Variants in SMYD3 observed in about 807,000 individuals in gnomAD.
The protein encoded by SMYD3 is SET and MYND domain containing 3.
A neutral mutation model predicts 57.7 loss-of-function variants in SMYD3; 36 were observed. The observed-to-expected ratio is 0.62, with a 90% CI of 0.48 to 0.82. The LOEUF (loss-of-function observed/expected upper bound fraction) is 0.82, where lower values mean the gene tolerates loss of function less well. Among genes scored for constraint, SMYD3 ranks in the 40% least tolerant of loss-of-function variants. The pLI, the probability that SMYD3 is intolerant of heterozygous loss-of-function variation, is 0.00. For missense variants in SMYD3, 515 were observed against 538.8 expected, an observed-to-expected ratio of 0.96 and a Z score of 0.44; for synonymous variants, 211 against 195.0, an observed-to-expected ratio of 1.08 and a Z score of -0.68.
At chr1:245,933,432 A>G (rs1465892226) in intron 5 of SMYD3, among the ~76,000 whole-genome samples, 1 of 152,214 alleles carries the variant, frequency 6.6e-6, no homozygotes, top group Non-Finnish European at 1.5e-5. Context: ...ATGCAAAGTT[A>G]TATTTACTTT....
At chr1:246,258,601 G>A (rs2148515885) in intron 5 of SMYD3, among the ~76,000 whole-genome samples, 1 of 152,256 alleles carries the variant, frequency 6.6e-6, no homozygotes, top group South Asian at 2.1e-4. Context: ...TGGCCTGATA[G>A]GGCTCCTGTT....
At chr1:246,463,962 C>T (rs762965141) in intron 1 of SMYD3, among the ~76,000 whole-genome samples, 4 of 151,336 alleles carry the variant, frequency 2.6e-5, no homozygotes, top group Admixed American at 1.3e-4. Flanking sequence ...GGCATATGGA[C>T]GGAAAAGATG....
rs369549896 is a variant in SMYD3 at position 246,450,462 on chromosome 1, C to T, written c.164+56592G>A. Among the ~76,000 whole-genome samples the T allele has an allele frequency of 2.6e-5, 4 of 152,262 alleles. No individual in the cohort carries two copies. The South Asian group carries it at 6.2e-4, about 24-fold the overall frequency. On this transcript the variant is annotated intron_variant, in intron 1 of 11. Coordinates refer to ENST00000490107, the MANE Select transcript of SMYD3 (RefSeq NM_001167740.2). ...CTTCTTTTGCTTACTCAGCTGCACA[C>T]GGCCCTGAAAAATGCCCACCCCAAG...
intron 11 of SMYD3, 47 bp from the exon 12 acceptor site, chr1:245,749,711 C>T: frequency 6.7e-7 from 1 of 1,481,538 alleles, no homozygotes; most frequent in Non-Finnish European, 9.4e-7. Flanking sequence ...AATAGGTGAG[C>T]TCAGGCCATT....
chr1:245,893,038 A>G (rs1445976307), intron 8 of SMYD3, among the ~76,000 whole-genome samples: 2 of 152,234 alleles, frequency 1.3e-5, no homozygotes, highest in African/African-American at 4.8e-5. Context: ...GAAAACACCC[A>G]ATTTTTAAAA....
At chr1:245,949,457 A>C (rs2057542565) in intron 5 of SMYD3, among the ~76,000 whole-genome samples, 1 of 152,144 alleles carries the variant, frequency 6.6e-6, no homozygotes, top group Non-Finnish European at 1.5e-5. Flanking sequence ...CCAAAAAAGA[A>C]AAAGAAAAAA....
chr1:246,401,257 G>A (rs1356121666), intron 1 of SMYD3, among the ~76,000 whole-genome samples: 1 of 152,136 alleles, frequency 6.6e-6, no homozygotes, highest in African/African-American at 2.4e-5. Context: ...AGCACTTTGG[G>A]AGGCCAAGGC....
intron 1 of SMYD3, among the ~76,000 whole-genome samples, chr1:246,363,656 T>G (rs368156607): frequency 3.3e-4 from 50 of 152,310 alleles, no homozygotes; most frequent in African/African-American, 1.2e-3. Context: ...ATGTGCTGTG[T>G]CCACTCAGGG....
At chr1:245,916,129 A>G (rs953644614) in intron 7 of SMYD3, among the ~76,000 whole-genome samples, 4 of 152,144 alleles carry the variant, frequency 2.6e-5, no homozygotes, top group Admixed American at 2.0e-4. Context: ...GAAATGAGAA[A>G]ACAGTTCTCT....
intron 5 of SMYD3, among the ~76,000 whole-genome samples, chr1:245,964,513 A>G (rs1572802952): frequency 1.3e-5 from 2 of 152,352 alleles, no homozygotes; most frequent in Non-Finnish European, 2.9e-5. Context: ...AATCATAGTC[A>G]GATACAGCAG....
intron 10 of SMYD3, among the ~76,000 whole-genome samples, chr1:245,826,580 G>T (rs1405027154): frequency 1.3e-5 from 2 of 152,156 alleles, no homozygotes; most frequent in Non-Finnish European, 2.9e-5. Context: ...TTTCTTAAAT[G>T]ACCCATTTCA....
At chr1:246,448,304 G>A (rs780544506) in intron 1 of SMYD3, among the ~76,000 whole-genome samples, 2 of 152,182 alleles carry the variant, frequency 1.3e-5, no homozygotes, top group African/African-American at 2.4e-5. Flanking sequence ...GAGAACCAAC[G>A]CACAGAGACT....
intron 5 of SMYD3, among the ~76,000 whole-genome samples, chr1:245,943,607 A>T (rs1401176985): frequency 1.3e-5 from 2 of 152,212 alleles, no homozygotes; most frequent in Non-Finnish European, 1.5e-5. Context: ...ATTGAAAAAG[A>T]GGGACTCCTC....
At position 246,120,289 on chromosome 1, in the gene SMYD3, A is replaced by G. The variant is rs560967549; in HGVS notation, c.532-190352T>C. Among the ~76,000 whole-genome samples the G allele has an allele frequency of 2.0e-5, 3 of 152,252 alleles. No homozygotes were observed. In the East Asian group the frequency reaches 5.8e-4, roughly 29 times the overall value. ...TGCTTCTGCTGTTTGTTCTAATGCC[A>G]TATTTTGGGGTAGCATGTCCGGAAC... On this transcript the variant is annotated intron_variant, in intron 5 of 11. Coordinates refer to ENST00000490107, the MANE Select transcript of SMYD3 (RefSeq NM_001167740.2).
intron 8 of SMYD3, among the ~76,000 whole-genome samples, chr1:245,890,685 T>C (rs1252157419): frequency 6.6e-6 from 1 of 152,114 alleles, no homozygotes; most frequent in East Asian, 1.9e-4. Flanking sequence ...AAAACTAAAA[T>C]AGAACTACCA....
chr1:246,046,411 T>C (rs1358342606), intron 5 of SMYD3, among the ~76,000 whole-genome samples: 1 of 151,530 alleles, frequency 6.6e-6, no homozygotes, highest in East Asian at 1.9e-4. Flanking sequence ...CACTCATAGG[T>C]GGGAATTGAA....
intron 10 of SMYD3, among the ~76,000 whole-genome samples, chr1:245,780,942 T>A (rs1032618902): frequency 6.6e-6 from 1 of 152,180 alleles, no homozygotes; most frequent in Admixed American, 6.5e-5. Flanking sequence ...TACTAATACA[T>A]GTTACAACAT....
intron 5 of SMYD3, among the ~76,000 whole-genome samples, chr1:245,997,142 C>T (rs1053204479): frequency 6.6e-5 from 10 of 152,246 alleles, no homozygotes; most frequent in African/African-American, 1.9e-4. Context: ...TGGCCCTACA[C>T]GACGGGACAC....
chr1:245,786,324 A>T lies in SMYD3; in HGVS notation c.1077-22175T>A, dbSNP rs138121328. 5.3e-3 allele frequency among the ~76,000 whole-genome samples: 808 copies of T among 152,204 alleles called. 4 individuals are homozygous for T. Among genetic ancestry groups the T allele is most frequent in the African/African-American group, 0.017 (720 of 41,508 alleles). On this transcript the variant is annotated intron_variant, in intron 10 of 11. Transcript: ENST00000490107. ...ACTACCTAATAAATGTAAGTACAGT[A>T]AGTATGGCATCTTTATACACCACAA...
Sources: gnomAD v4.1 joint callset for allele counts (sites outside exome capture counted in the v4.1 genomes callset) on GRCh38, gnomAD v4.1.1 for gene constraint, MANE v1.5 for transcripts, NCBI Gene and HGNC (gene_info 2026-07-23, HGNC 2026-07-21) for gene names.